The following DGKI variants were observed in gnomAD, a reference collection of about 807,000 sequenced individuals.
The protein encoded by DGKI is DAG kinase iota.
Under a neutral mutation model 147.5 loss-of-function variants are expected in DGKI, and 55 were observed. The observed-to-expected ratio is 0.37, with a 90% CI of 0.30 to 0.47. The LOEUF is 0.47. Among genes scored for constraint, DGKI ranks in the 20% least tolerant of loss-of-function variants. The probability of loss-of-function intolerance (pLI) is 1.00; values close to 1 mark genes in which losing one functional copy is unlikely to be tolerated. For missense variants in DGKI, 1,007 were observed against 1,323.8 expected (o/e 0.76, Z 3.71); for synonymous variants, 469 against 477.1 (o/e 0.98, Z 0.22).
chr7:137,696,670 C>T (rs1823799615), intron 1 of DGKI, among the ~76,000 whole-genome samples: 1 of 151,916 alleles, frequency 6.6e-6, no homozygotes, highest in South Asian at 2.1e-4. Flanking sequence ...GAGTTAATGA[C>T]ATTCTTCTCC....
intron 8 of DGKI, among the ~76,000 whole-genome samples, chr7:137,615,106 C>A (rs747166598): frequency 1.3e-5 from 2 of 152,104 alleles, no homozygotes; most frequent in Non-Finnish European, 2.9e-5. Flanking sequence ...CACTCTCCAC[C>A]TTGGATAGAT....
intron 19 of DGKI, among the ~76,000 whole-genome samples, chr7:137,559,062 CTTTTTTTTTTTTTTTT>C (rs71177910): frequency 2.4e-5 from 2 of 83,614 alleles, no homozygotes; most frequent in Non-Finnish European, 4.5e-5. Flanking sequence ...ACCTACAATT[CTTTTTTTTTTTTTTTT>C]TTTTTTTTTT....
chr7:137,419,267 A>G (rs1369206473), intron 28 of DGKI, among the ~76,000 whole-genome samples: 1 of 152,242 alleles, frequency 6.6e-6, no homozygotes, highest in African/African-American at 2.4e-5. Context: ...GTGTGTGCCA[A>G]CAGAGACAAA....
chr7:137,675,195 TC>T (rs1366505134), intron 3 of DGKI, among the ~76,000 whole-genome samples: 1 of 151,690 alleles, frequency 6.6e-6, no homozygotes, highest in African/African-American at 2.4e-5. Context: ...CAGCTGAGAG[TC>T]CCCAACTACA....
At chr7:137,678,725 T>G in intron 2 of DGKI, 73 bp from the exon 3 acceptor site, 1 of 1,376,964 alleles carries the variant, frequency 7.3e-7, no homozygotes, top group East Asian at 2.3e-5. Context: ...AAATTTAGAT[T>G]TGGGATACAA....
At chr7:137,824,342 C>A (rs940043830) in intron 1 of DGKI, among the ~76,000 whole-genome samples, 1 of 152,004 alleles carries the variant, frequency 6.6e-6, no homozygotes, top group Admixed American at 6.6e-5. Flanking sequence ...CATGGAGAAA[C>A]CCCGTCTCTA....
At chr7:137,576,519 T>C (rs1818982542) in intron 17 of DGKI, among the ~76,000 whole-genome samples, 1 of 152,226 alleles carries the variant, frequency 6.6e-6, no homozygotes, top group African/African-American at 2.4e-5. Flanking sequence ...ACTTGTTTAC[T>C]ATAAGGAAAC....
chr7:137,551,958 G>C (rs565490661), intron 20 of DGKI, among the ~76,000 whole-genome samples: 6 of 152,174 alleles, frequency 3.9e-5, no homozygotes, highest in Non-Finnish European at 8.8e-5. Context: ...CCAACCACCC[G>C]TGACTGGAGA....
chr7:137,806,503 G>A (rs1412764183), intron 1 of DGKI, among the ~76,000 whole-genome samples: 2 of 151,910 alleles, frequency 1.3e-5, no homozygotes, highest in African/African-American at 4.8e-5. Context: ...GTGCGATCTT[G>A]GCTCACTGCA....
Position 137,385,455 on chromosome 7 carries a change from C to T in DGKI, c.*5765G>A, listed in dbSNP as rs1432277271. On this transcript the variant is annotated 3_prime_UTR_variant, in exon 33 of 33. Coordinates refer to ENST00000614521, the MANE Select transcript of DGKI (RefSeq NM_001321708.2). ...CCCTCAAATCACATATTCCTAATCA[C>T]AACACCCCTCAGAGTGGTCAGGTAT... 6.6e-6 allele frequency: 1 copy of T among 152,038 alleles called. No homozygotes were observed. The highest frequency in any genetic ancestry group is 1.5e-5 in the Non-Finnish European group (1 of 67,976). The allele number at this position is 152,038 out of a possible 1,614,324, so 9.4% of individuals were successfully genotyped here. A position where few individuals can be genotyped will look rare whatever the true frequency, so the allele number is the denominator to read the frequency against.
chr7:137,451,107 C>T (rs978011680), intron 27 of DGKI, among the ~76,000 whole-genome samples: 10 of 152,126 alleles, frequency 6.6e-5, no homozygotes, highest in Non-Finnish European at 1.5e-4. Flanking sequence ...AAGTCACAAA[C>T]TTCGAAAACA....
At chr7:137,700,865 C>G (rs991374455) in intron 1 of DGKI, among the ~76,000 whole-genome samples, 2 of 151,136 alleles carry the variant, frequency 1.3e-5, no homozygotes, top group African/African-American at 4.9e-5. Context: ...GCGACAAGAG[C>G]GAAGCTCCGT....
chr7:137,758,328 G>C (rs1001112191), intron 1 of DGKI, among the ~76,000 whole-genome samples: 4 of 152,182 alleles, frequency 2.6e-5, no homozygotes, highest in African/African-American at 9.7e-5. Flanking sequence ...TAGTAGTCTG[G>C]TAGAAAAGGA....
intron 8 of DGKI, 39 bp from the exon 9 acceptor site, chr7:137,609,648 C>A: frequency 6.7e-7 from 1 of 1,499,298 alleles, no homozygotes; most frequent in Non-Finnish European, 9.3e-7. Flanking sequence ...TCAGAGGCAG[C>A]CAGCCCAGGA....
intron 1 of DGKI, among the ~76,000 whole-genome samples, chr7:137,739,849 T>C (rs997967387): frequency 2.0e-5 from 3 of 152,228 alleles, no homozygotes; most frequent in Admixed American, 2.0e-4. Context: ...TTTTGCCACT[T>C]GCAGAATCGA....
At chr7:137,738,725 C>T (rs57536440) in intron 1 of DGKI, among the ~76,000 whole-genome samples, 5 of 2,874 alleles carry the variant, frequency 1.7e-3, no homozygotes, top group African/African-American at 2.1e-3. Flanking sequence ...AGATGAGGTT[C>T]CCCCCCCCCC....
At chr7:137,545,576 G>T (rs147294845) in intron 20 of DGKI, among the ~76,000 whole-genome samples, 1 of 152,132 alleles carries the variant, frequency 6.6e-6, no homozygotes, top group Non-Finnish European at 1.5e-5. Flanking sequence ...TCTCTGAGCC[G>T]TAAGTAATGA....
chr7:137,464,190 G>C (rs575831005), intron 26 of DGKI, among the ~76,000 whole-genome samples: 10 of 149,250 alleles, frequency 6.7e-5, no homozygotes, highest in Non-Finnish European at 1.3e-4. Flanking sequence ...CCGGGAGGCG[G>C]AGCTTGCAGT....
intron 2 of DGKI, among the ~76,000 whole-genome samples, chr7:137,688,247 C>G (rs1054003296): frequency 2.6e-5 from 4 of 152,182 alleles, no homozygotes; most frequent in African/African-American, 9.7e-5. Flanking sequence ...ATCTTCTTCA[C>G]CTCAGAATCC....
Sources: allele counts gnomAD v4.1 joint callset (sites outside exome capture counted in the v4.1 genomes callset), GRCh38; gene constraint gnomAD v4.1.1; transcripts MANE v1.5; gene names NCBI Gene and HGNC (gene_info 2026-07-23, HGNC 2026-07-21).